The following CTNNBIP1 variants were observed in gnomAD, a reference collection of about 807,000 sequenced individuals.
CTNNBIP1 encodes the protein beta-catenin-interacting protein 1.
Under a neutral mutation model 11.8 loss-of-function variants are expected in CTNNBIP1, and 7 were observed. The observed-to-expected ratio is 0.60, with a 90% CI of 0.34 to 1.12. The LOEUF is 1.12. Among genes scored for constraint, CTNNBIP1 ranks in the 50% most tolerant of loss-of-function variants. The pLI is 0.03. For missense variants in CTNNBIP1, 101 were observed against 113.4 expected (o/e 0.89, Z 0.50); for synonymous variants, 58 against 43.9 (o/e 1.32, Z -1.26).
At chr1:9,877,801 A>T (rs1639002625) in intron 3 of CTNNBIP1, 104 bp downstream of exon 3, 1 of 152,638 alleles carries the variant, frequency 6.6e-6, no homozygotes, top group Admixed American at 6.5e-5. Context: ...AGATGAGCTA[A>T]CTTCATGATC....
intron 1 of CTNNBIP1, among the ~76,000 whole-genome samples, chr1:9,889,508 T>C (rs1639254531): frequency 6.6e-6 from 1 of 152,142 alleles, no homozygotes; most frequent in South Asian, 2.1e-4. Flanking sequence ...TGCTATGCTT[T>C]CCACCTAGAA....
At chr1:9,908,266 T>C (rs972969599) in intron 1 of CTNNBIP1, among the ~76,000 whole-genome samples, 1 of 151,706 alleles carries the variant, frequency 6.6e-6, no homozygotes, top group Non-Finnish European at 1.5e-5. Flanking sequence ...ACCATGTTGG[T>C]CAGGATGGTC....
rs1026165529 is a variant in CTNNBIP1, at chr1:9,851,440, G to A, written c.188-664C>T. ...GGCTGGAGTATAGTGGCACAATCTC[G>A]GCTCACTGCATCCTCTGCCTCCCGG... On this transcript the variant is annotated intron_variant, in intron 5 of 5. Coordinates refer to ENST00000377263, the MANE Select transcript of CTNNBIP1 (RefSeq NM_020248.3). The surrounding 1 kb of genome is among the most constrained non-coding windows in gnomAD (Gnocchi z 4.8). Among the ~76,000 whole-genome samples, 2 of 151,766 alleles carry A rather than the reference G, an allele frequency of 1.3e-5. No homozygotes were observed. The highest frequency in any genetic ancestry group is 2.1e-4 in the South Asian group (1 of 4,804).
At chr1:9,858,369 T>A (rs1638552073) in intron 5 of CTNNBIP1, among the ~76,000 whole-genome samples, 1 of 152,186 alleles carries the variant, frequency 6.6e-6, no homozygotes, top group Non-Finnish European at 1.5e-5. Context: ...CTCCTCACTG[T>A]GGCCTGCAGG....
chr1:9,850,917 AGTCTTCCTCCCCTCTG>A, intron 5 of CTNNBIP1, 141 bp from the exon 6 acceptor site: 2 of 782,190 alleles, frequency 2.6e-6, no homozygotes, highest in Non-Finnish European at 4.5e-6. Context: ...CTTCCGAGGA[AGTCTTCCTCCCCTCTG>A]GTCTTCCCTG....
At chr1:9,866,417 G>C (rs1445149047) in intron 5 of CTNNBIP1, among the ~76,000 whole-genome samples, 1 of 152,170 alleles carries the variant, frequency 6.6e-6, no homozygotes, top group South Asian at 2.1e-4. Flanking sequence ...GTGGAGGCTG[G>C]GCATGGTGGC....
rs529474945 is a variant in CTNNBIP1 at position 9,849,930 on chromosome 1, G to A, written c.*788C>T. The A allele has an allele frequency of 5.2e-5, 8 of 152,404 alleles. No individual in the cohort carries two copies. The highest frequency in any genetic ancestry group is 1.9e-4 in the East Asian group (1 of 5,176). 9.4% of individuals were successfully genotyped at this position (152,404 alleles called of 1,614,324 possible). The stretch of plus-strand genomic sequence containing the variant: ...GCTGTGGACCCTGCTCAGGGTTCTC[G>A]GGGTCCCCTTGCTGGTGGAGGCAGG... On this transcript the variant is annotated 3_prime_UTR_variant, in exon 6 of 6. Coordinates refer to ENST00000377263, the MANE Select transcript of CTNNBIP1 (RefSeq NM_020248.3).
At chr1:9,892,655 G>A (rs1277263913) in intron 1 of CTNNBIP1, among the ~76,000 whole-genome samples, 1 of 152,004 alleles carries the variant, frequency 6.6e-6, no homozygotes, top group African/African-American at 2.4e-5. Context: ...TCAGCATAAA[G>A]GTATGTGTTA....
intron 5 of CTNNBIP1, among the ~76,000 whole-genome samples, chr1:9,858,144 C>T (rs1638547415): frequency 1.3e-5 from 2 of 152,178 alleles, no homozygotes; most frequent in Non-Finnish European, 2.9e-5. Context: ...AGTACATCAC[C>T]ACTTCTGCCA....
chr1:9,906,251 T>C (rs994522558), intron 1 of CTNNBIP1, among the ~76,000 whole-genome samples: 1 of 152,100 alleles, frequency 6.6e-6, no homozygotes, highest in African/African-American at 2.4e-5. Flanking sequence ...ACAAAGTCCA[T>C]GGTCTAATTA....
At position 9,850,772 on chromosome 1, in the gene CTNNBIP1, T is replaced by C. The variant is rs567258221; in HGVS notation, c.192A>G (p.Ala64=). 3.7e-6 allele frequency: 6 copies of C among 1,613,842 alleles called. No individual in the cohort carries two copies. The South Asian group carries it at 5.5e-5, about 15-fold the overall frequency. ...QLPPHSIDQG[A]EDVVMAFSRS... is the part of the protein sequence containing the mutation. ...TGGAAAACGCCATCACCACGTCCTCTGCACCTGCAGATAAGGCGACAAGGA... is the reference window on the plus strand; with the variant it reads ...TGGAAAACGCCATCACCACGTCCTCCGCACCTGCAGATAAGGCGACAAGGA... The change falls in exon 6 of 6, where the codon GCA becomes GCG. Residue 64 remains alanine (A), a synonymous_variant. Transcript: ENST00000377263.
At chr1:9,898,655 T>TA (rs772375138) in intron 1 of CTNNBIP1, among the ~76,000 whole-genome samples, 22 of 152,028 alleles carry the variant, frequency 1.4e-4, no homozygotes, top group Non-Finnish European at 2.6e-4. Context: ...ACTGTAAACC[T>TA]AAAAAAGAAA....
chr1:9,888,921 T>C (rs1639241127), intron 1 of CTNNBIP1, among the ~76,000 whole-genome samples: 1 of 152,186 alleles, frequency 6.6e-6, no homozygotes, highest in Admixed American at 6.5e-5. Context: ...CCTCATTCAA[T>C]ACAGCCCCGC....
Position 9,871,224 on chromosome 1 carries a change from G to A in CTNNBIP1, c.150C>T (p.Ser50=). The A allele has an allele frequency of 6.3e-7, 1 of 1,581,582 alleles. No individual in the cohort carries two copies. Among genetic ancestry groups the A allele is most frequent in the Non-Finnish European group, 8.6e-7 (1 of 1,164,656 alleles). The change falls in exon 5 of 6, where the codon AGC becomes AGT. Residue 50 remains serine, a synonymous_variant. Transcript: ENST00000377263. This position sits in a 1 kb window ranked among gnomAD's most constrained non-coding sequence, Gnocchi z 5.2. ...AGTGCGGAGGCAGCTGGCTGAGCTG[G>A]CTGTTGACCACCCCTGCATAGGTGC... ...FLRTYAGVVN[S]QLSQLPPHSI...
intron 1 of CTNNBIP1, among the ~76,000 whole-genome samples, chr1:9,905,578 A>G (rs1570604437): frequency 6.7e-6 from 1 of 149,344 alleles, no homozygotes; most frequent in Admixed American, 6.7e-5. Context: ...GCCCGCCCCC[A>G]TGCCCGGCTA....
rs746418599 is a variant in CTNNBIP1 at position 9,871,985 on chromosome 1, C to G, written c.80G>C (p.Arg27Pro). Reference protein sequence around the residue: ...QQKVRVLLMLRKMGSNLTASE... With the variant: ...QQKVRVLLMLPKMGSNLTASE... ...GGCACTCACGTTTGATCCCATCTTC[C>G]GCAGCATGAGCAGCACTCGGACCTT... The change falls in exon 4 of 6, where the codon CGG becomes CCG. Residue 27 changes from arginine to proline, a missense_variant. Transcript: ENST00000377263. The surrounding 1 kb of genome is among the most constrained non-coding windows in gnomAD (Gnocchi z 5.2). 6.2e-7 allele frequency: 1 copy of G among 1,614,028 alleles called. No individual in the cohort carries two copies. The highest frequency in any genetic ancestry group is 8.5e-7 in the Non-Finnish European group (1 of 1,179,970).
chr1:9,853,014 A>C (rs780616120), intron 5 of CTNNBIP1, among the ~76,000 whole-genome samples: 14 of 152,200 alleles, frequency 9.2e-5, no homozygotes, highest in African/African-American at 3.4e-4. Flanking sequence ...TCCAGGTCAC[A>C]CAGGGACTCT....
intron 5 of CTNNBIP1, among the ~76,000 whole-genome samples, chr1:9,860,549 G>A (rs1385179341): frequency 1.3e-5 from 2 of 148,590 alleles, no homozygotes; most frequent in Non-Finnish European, 3.0e-5. Context: ...GGCGGAGGTT[G>A]CAGTGAGCCG....
intron 1 of CTNNBIP1, among the ~76,000 whole-genome samples, chr1:9,907,131 G>A (rs1449373579): frequency 6.6e-6 from 1 of 152,134 alleles, no homozygotes; most frequent in Non-Finnish European, 1.5e-5. Flanking sequence ...CAGATTTGGA[G>A]CAGCATGGAG....
Sources: allele counts gnomAD v4.1 joint callset (sites outside exome capture counted in the v4.1 genomes callset), GRCh38; gene constraint gnomAD v4.1.1; non-coding constraint Gnocchi (gnomAD v3.1); transcripts MANE v1.5; gene names NCBI Gene and HGNC (gene_info 2026-07-23, HGNC 2026-07-21).